Variants in CFAP47 observed in about 807,000 individuals in gnomAD.
The protein encoded by CFAP47 is cilia and flagella associated protein 47, also known as cilia- and flagella-associated protein 47.
Under a neutral mutation model 148.1 loss-of-function variants are expected in CFAP47, and 29 were observed. The ratio of observed to expected loss-of-function variants is 0.20; its 90% CI spans 0.15 to 0.27. CFAP47 has a LOEUF of 0.27. Among genes scored for constraint, CFAP47 ranks in the 10% least tolerant of loss-of-function variants. CFAP47 has a pLI of 1.00. For synonymous variants in CFAP47, 664 were observed against 577.3 expected, an observed-to-expected ratio of 1.15 and a Z score of -2.15; for missense variants, 1,872 against 1,697.5, an observed-to-expected ratio of 1.10 and a Z score of -1.81.
intron 35 of CFAP47, chrX:36,144,473 A>T (rs1229054993): frequency 4.6e-6 from 4 of 866,414 alleles, no homozygotes; most frequent in African/African-American, 2.2e-5. Context: ...TTATATTTTT[A>T]TCTATTATCT....
intron 57 of CFAP47, among the ~76,000 whole-genome samples, chrX:36,344,664 A>G (rs1340546124): frequency 8.9e-6 from 1 of 112,006 alleles, no homozygotes; most frequent in Non-Finnish European, 1.9e-5. Flanking sequence ...TTCTTACACT[A>G]TCTTCACTAT....
At chrX:36,131,612 C>T (rs948638235) in intron 33 of CFAP47, among the ~76,000 whole-genome samples, 1 of 111,267 alleles carries the variant, frequency 9.0e-6, no homozygotes, top group African/African-American at 3.2e-5. Flanking sequence ...AAATTAGAAA[C>T]ACAAATATCC....
rs142233077 is a variant in CFAP47 at position 36,314,041 on chromosome X, C to T, written c.8344+3052C>T. On this transcript the variant is annotated intron_variant, in intron 56 of 63. Coordinates refer to ENST00000378653, the MANE Select transcript of CFAP47 (RefSeq NM_001304548.2). ...AAATTTCTAAAACTTAGAGATAATA[C>T]GGTATAAATTAAGTACCAAAGATCT... Among the ~76,000 whole-genome samples, 863 of 110,966 alleles carry T rather than the reference C, an allele frequency of 7.8e-3. 6 individuals carry two copies. Among genetic ancestry groups the T allele is most frequent in the African/African-American group, 0.021 (646 of 30,561 alleles).
At position 35,943,224 on chromosome X, in the gene CFAP47, A is replaced by G. The variant is rs376080991; in HGVS notation, c.517+1826A>G. On this transcript the variant is annotated intron_variant, in intron 3 of 63. Transcript: ENST00000378653. Reference sequence around the variant, plus strand: ...TTCTGAAAATAGATTCAGCCATCAAAGTTGATTTTAATAACATTTTTAAAA... The same window carrying G: ...TTCTGAAAATAGATTCAGCCATCAAGGTTGATTTTAATAACATTTTTAAAA... Among the ~76,000 whole-genome samples, 3 of 112,130 alleles carry G rather than the reference A, an allele frequency of 2.7e-5. No individual in the cohort carries two copies. The East Asian group carries it at 8.3e-4, about 31-fold the overall frequency.
chrX:36,031,253 C>T lies in CFAP47; in HGVS notation c.3557C>T (p.Ala1186Val), dbSNP rs942444894. 1.7e-5 allele frequency: 5 copies of T among 291,588 alleles called. No homozygotes were observed. Among genetic ancestry groups the T allele is most frequent in the Non-Finnish European group, 2.4e-5 (4 of 166,109 alleles). The allele number at this position is 291,588 out of a possible 1,213,427, so 24.0% of individuals were successfully genotyped here. Reference protein sequence around the residue: ...LIRPCYVQATALQSPLNLSST... With the variant: ...LIRPCYVQATVLQSPLNLSST... ...CAGTATATTTATGTTCCTCTCACAG[C>T]ATTGCAATCACCATTGAACTTATCT... The change falls in exon 23 of 64, where the codon GCA becomes GTA. Residue 1186 changes from alanine (A) to valine (V), a missense_variant and splice_region_variant. By Grantham distance (64) the Ala-to-Val change is moderately conservative. Coordinates refer to ENST00000378653, the MANE Select transcript of CFAP47 (RefSeq NM_001304548.2).
chrX:36,317,347 A>G (rs1218764315), intron 56 of CFAP47, among the ~76,000 whole-genome samples: 33 of 111,316 alleles, frequency 3.0e-4, no homozygotes, highest in Non-Finnish European at 1.3e-4. Flanking sequence ...AATAAATAGT[A>G]TTGAGAAATT....
intron 62 of CFAP47, among the ~76,000 whole-genome samples, chrX:36,377,753 T>C (rs1224245084): frequency 3.6e-5 from 4 of 112,120 alleles, no homozygotes; most frequent in Non-Finnish European, 7.5e-5. Context: ...CTAGCACTGG[T>C]AATAAAATAT....
intron 53 of CFAP47, 76 bp downstream of exon 53, chrX:36,301,255 T>C: frequency 1.8e-6 from 1 of 540,562 alleles, no homozygotes; most frequent in South Asian, 3.5e-5. Flanking sequence ...TTATAATGCA[T>C]TCAGTTTCTA....
At chrX:36,027,154 T>TA (rs2146715316) in intron 22 of CFAP47, among the ~76,000 whole-genome samples, 2 of 102,708 alleles carry the variant, frequency 1.9e-5, no homozygotes, top group African/African-American at 7.1e-5. Context: ...ATATATATGA[T>TA]TATATATATG....
chrX:35,981,548 T>C, intron 15 of CFAP47, among the ~76,000 whole-genome samples: 1 of 110,276 alleles, frequency 9.1e-6, no homozygotes, highest in Non-Finnish European at 1.9e-5. Flanking sequence ...TTATTTTAGG[T>C]TCAGGGGTAC....
At chrX:36,259,156 C>T (rs1195278754) in intron 49 of CFAP47, among the ~76,000 whole-genome samples, 1 of 111,165 alleles carries the variant, frequency 9.0e-6, no homozygotes, top group Non-Finnish European at 1.9e-5. Context: ...CCATCTGCTC[C>T]TCACATTTGG....
intron 30 of CFAP47, among the ~76,000 whole-genome samples, chrX:36,095,248 A>G (rs919955282): frequency 1.5e-4 from 17 of 111,799 alleles, no homozygotes; most frequent in African/African-American, 5.5e-4. Flanking sequence ...TCACCTGGTC[A>G]TGATTAATGA....
At chrX:36,255,952 AAACAAATCC>A (rs781834608) in intron 49 of CFAP47, among the ~76,000 whole-genome samples, 4 of 112,170 alleles carry the variant, frequency 3.6e-5, no homozygotes, top group Non-Finnish European at 7.5e-5. Flanking sequence ...AAGGAGAAAC[AAACAAATCC>A]AAGCAAAAAT....
chrX:36,294,774 A>ATG (rs1427717617), intron 51 of CFAP47, among the ~76,000 whole-genome samples: 1 of 111,828 alleles, frequency 8.9e-6, no homozygotes, highest in East Asian at 2.8e-4. Flanking sequence ...ATATATATAT[A>ATG]AATGCTGAAA....
intron 63 of CFAP47, among the ~76,000 whole-genome samples, chrX:36,384,075 T>A (rs1556024672): frequency 8.9e-6 from 1 of 111,783 alleles, no homozygotes; most frequent in African/African-American, 3.3e-5. Flanking sequence ...GTGCGGTGGC[T>A]CAAGCCTGTA....
intron 42 of CFAP47, among the ~76,000 whole-genome samples, chrX:36,193,154 A>G (rs1602039763): frequency 8.9e-6 from 1 of 111,867 alleles, no homozygotes; most frequent in African/African-American, 3.2e-5. Flanking sequence ...CTGGTGATGC[A>G]GAGATTAAGT....
At position 36,384,933 on chromosome X, in the gene CFAP47, G is replaced by A. The variant is rs1166928928; in HGVS notation, c.9491G>A (p.Arg3164His). 18 of 1,164,099 alleles carry A rather than the reference G, an allele frequency of 1.5e-5. No individual in the cohort carries two copies. The highest frequency in any genetic ancestry group is 1.3e-4 in the African/African-American group (7 of 55,641). The change falls in exon 64 of 64, where the codon CGT (arginine) becomes CAT (histidine). Residue 3164 changes from arginine (R) to histidine (H), a missense_variant. Physicochemically the swap from Arg to His is conservative, Grantham distance 29. Transcript: ENST00000378653. Reference sequence around the variant, plus strand: ...CCAGTCCGTCCACATAATTTTGTCCGTGAAAATACTAAACTCATAAGAACA... The same window carrying A: ...CCAGTCCGTCCACATAATTTTGTCCATGAAAATACTAAACTCATAAGAACA... ...NMPVRPHNFV[R>H]ENTKLIRTGV... is the part of the protein sequence containing the mutation.
At chrX:36,020,843 T>G (rs922036019) in intron 22 of CFAP47, among the ~76,000 whole-genome samples, 1 of 111,559 alleles carries the variant, frequency 9.0e-6, no homozygotes, top group Non-Finnish European at 1.9e-5. Context: ...AAGGACTTAC[T>G]TCTTGAATTT....
chrX:35,993,385 A>G (rs947732906), intron 18 of CFAP47, 64 bp downstream of exon 18: 1 of 281,093 alleles, frequency 3.6e-6, no homozygotes, highest in Admixed American at 6.4e-5. Context: ...TGGTTGTTTA[A>G]CTTATCTATA....
Sources: allele counts gnomAD v4.1 joint callset (sites outside exome capture counted in the v4.1 genomes callset), GRCh38; gene constraint gnomAD v4.1.1; transcripts MANE v1.5; gene names NCBI Gene and HGNC (gene_info 2026-07-23, HGNC 2026-07-21).